MBNL2: variants seen among roughly 807,000 people sequenced by gnomAD.
The protein encoded by MBNL2 is muscleblind like splicing regulator 2, also known as muscleblind-like protein 2.
In MBNL2, 17 loss-of-function variants were observed where a neutral mutation model predicts 41.9. That is an observed-to-expected ratio of 0.41 (90% CI 0.28 to 0.61). The LOEUF (loss-of-function observed/expected upper bound fraction) is 0.61, where lower values mean the gene tolerates loss of function less well. MBNL2 is among the 20% of genes least tolerant of loss of function. The pLI, the probability that MBNL2 is intolerant of heterozygous loss-of-function variation, is 0.35. For synonymous variants in MBNL2, 195 were observed against 182.9 expected (o/e 1.07, Z -0.53); for missense variants, 336 against 505.6 (o/e 0.66, Z 3.22).
At chr13:97,319,703 TC>T (rs1271239150) in intron 2 of MBNL2, among the ~76,000 whole-genome samples, 1 of 152,232 alleles carries the variant, frequency 6.6e-6, no homozygotes, top group Admixed American at 6.5e-5. Flanking sequence ...ATGATTTTTA[TC>T]AAGTCATTCT....
At chr13:97,175,649 G>A in the MBNL2 span, among the ~76,000 whole-genome samples, 1 of 152,152 alleles carries the variant, frequency 6.6e-6, no homozygotes, top group Admixed American at 6.6e-5. Context: ...GGAGAACAAT[G>A]CCCCCAACAA....
At chr13:97,194,404 C>T in the MBNL2 span, among the ~76,000 whole-genome samples, 15 of 152,186 alleles carry the variant, frequency 9.9e-5, no homozygotes, top group Non-Finnish European at 1.5e-4. Flanking sequence ...CCAGAAAATA[C>T]ATAGCACAAG....
chr13:97,349,318 A>G (rs2062200803), intron 5 of MBNL2, among the ~76,000 whole-genome samples: 1 of 152,206 alleles, frequency 6.6e-6, no homozygotes, highest in African/African-American at 2.4e-5. Context: ...AAGGCTGATA[A>G]AAAAGGAATT....
At chr13:97,187,117 A>C in the MBNL2 span, among the ~76,000 whole-genome samples, 4 of 152,238 alleles carry the variant, frequency 2.6e-5, no homozygotes, top group African/African-American at 9.6e-5. Context: ...CTAACAGATG[A>C]GTACTTAGAA....
chr13:97,389,257 AC>A (rs1412002026), intron 8 of MBNL2, among the ~76,000 whole-genome samples: 1 of 152,148 alleles, frequency 6.6e-6, no homozygotes, highest in Non-Finnish European at 1.5e-5. Context: ...AACTTCCATA[AC>A]CCACGTTTGC....
At chr13:97,221,591 A>C (rs1460283675), upstream of MBNL2, 2 of 152,176 alleles carry the variant, frequency 1.3e-5, no homozygotes, top group Non-Finnish European at 2.9e-5. Context: ...ATCAAATGGC[A>C]TCTAAGATGG....
At chr13:97,155,943 C>G in the MBNL2 span, among the ~76,000 whole-genome samples, 1 of 132,076 alleles carries the variant, frequency 7.6e-6, no homozygotes, top group Non-Finnish European at 1.6e-5. Context: ...AATGGTATTT[C>G]CAGTTCTAGA....
chr13:97,216,738 G>T (rs890379516), upstream of MBNL2, among the ~76,000 whole-genome samples: 2 of 152,024 alleles, frequency 1.3e-5, no homozygotes, highest in Admixed American at 1.3e-4. Context: ...GCTAACTTTG[G>T]TATGCCCAGC....
In MBNL2 at chr13:97,334,169, C is replaced by CACACAA. The variant is rs962293731; in HGVS notation, c.175-102_175-101insAACACA. ...ACACCCACACACACACACACACACA[C>CACACAA]ACACACAGGATCCTTGCTTTTGTGC... On this transcript the variant is annotated intron_variant, in intron 2 of 8. Transcript: ENST00000679496. This position sits in a 1 kb window ranked among gnomAD's most constrained non-coding sequence, Gnocchi z 5.3. 9.6e-6 allele frequency: 8 copies of CACACAA among 834,510 alleles called. No individual in the cohort carries two copies. The East Asian group carries it at 2.1e-4, about 22-fold the overall frequency. The allele number at this position is 834,510 out of a possible 1,614,324, so 51.7% of individuals were successfully genotyped here.
chr13:97,352,681 ACT>A (rs1248216003), intron 5 of MBNL2, among the ~76,000 whole-genome samples: 2 of 152,234 alleles, frequency 1.3e-5, no homozygotes, highest in African/African-American at 4.8e-5. Context: ...TGGAAAAATG[ACT>A]CTGATAGACT....
chr13:97,259,402 C>T (rs1431126768), intron 1 of MBNL2, among the ~76,000 whole-genome samples: 1 of 152,228 alleles, frequency 6.6e-6, no homozygotes, highest in Non-Finnish European at 1.5e-5. Context: ...CTCTTCACCC[C>T]TGCACCGACT....
Position 97,222,451 on chromosome 13 carries a change from G to T in MBNL2, c.-685G>T, listed in dbSNP as rs1470005088. The T allele has an allele frequency of 5.0e-6, 2 of 398,556 alleles. No individual in the cohort carries two copies. The highest frequency in any genetic ancestry group is 7.1e-5 in the East Asian group (2 of 28,090). 24.7% of individuals were successfully genotyped at this position (398,556 alleles called of 1,614,324 possible). A position where few individuals can be genotyped will look rare whatever the true frequency, so the allele number is the denominator to read the frequency against. The stretch of plus-strand genomic sequence containing the variant: ...ATGGAAGTTTCTTTCTCATGATGCG[G>T]TGGAGAAGCCTCGGCCACTTGGTTC... On this transcript the variant is annotated 5_prime_UTR_variant, in exon 1 of 9. Coordinates refer to ENST00000679496, the MANE Select transcript of MBNL2 (RefSeq NM_001382683.1).
chr13:97,321,074 C>G, intron 2 of MBNL2, among the ~76,000 whole-genome samples: 1 of 152,180 alleles, frequency 6.6e-6, no homozygotes, highest in Non-Finnish European at 1.5e-5. Flanking sequence ...TTACATCTGT[C>G]AAGACCCTAC....
chr13:97,212,214 A>G, the MBNL2 span, among the ~76,000 whole-genome samples: 71 of 152,334 alleles, frequency 4.7e-4, 1 homozygote, highest in African/African-American at 1.7e-3. Flanking sequence ...AGTCCCTCCC[A>G]CATGAACGTT....
At chr13:97,212,026 G>A in the MBNL2 span, among the ~76,000 whole-genome samples, 10 of 152,148 alleles carry the variant, frequency 6.6e-5, no homozygotes, top group African/African-American at 2.2e-4. Context: ...CAAGCTTATG[G>A]TGGCTGATAG....
chr13:97,142,641 T>C, the MBNL2 span, among the ~76,000 whole-genome samples: 99 of 152,302 alleles, frequency 6.5e-4, no homozygotes, highest in Non-Finnish European at 1.1e-3. Flanking sequence ...CCACGGCTGC[T>C]TTGCTCTGTG....
the MBNL2 span, among the ~76,000 whole-genome samples, chr13:97,207,560 G>A: frequency 2.0e-5 from 3 of 152,134 alleles, no homozygotes; most frequent in Non-Finnish European, 4.4e-5. Flanking sequence ...AACAGCACGG[G>A]AAAGACTTGC....
At chr13:97,167,017 G>A in the MBNL2 span, among the ~76,000 whole-genome samples, 1 of 152,082 alleles carries the variant, frequency 6.6e-6, no homozygotes, top group African/African-American at 2.4e-5. Context: ...TCCCCATTGG[G>A]CTCTGCTTCT....
chr13:97,283,190 T>A (rs72637456), intron 2 of MBNL2, among the ~76,000 whole-genome samples: 1,679 of 152,314 alleles, frequency 0.011, 31 homozygotes, highest in Non-Finnish European at 0.016. Context: ...TCAGTGTGGA[T>A]GCTCTCCAAG....
Sources: allele counts gnomAD v4.1 joint callset (sites outside exome capture counted in the v4.1 genomes callset), GRCh38; gene constraint gnomAD v4.1.1; non-coding constraint Gnocchi (gnomAD v3.1); transcripts MANE v1.5; gene names NCBI Gene and HGNC (gene_info 2026-07-23, HGNC 2026-07-21).